Variants in NBPF15 observed in about 807,000 individuals in gnomAD.
The protein encoded by NBPF15 is NBPF family member NBPF15.
Under a neutral mutation model 62.2 loss-of-function variants are expected in NBPF15, and 74 were observed. The ratio of observed to expected loss-of-function variants is 1.19; its 90% CI spans 0.99 to 1.44. NBPF15 has a LOEUF of 1.44. Among genes scored for constraint, NBPF15 ranks in the 40% most tolerant of loss-of-function variants. The pLI is 0.00. For synonymous variants in NBPF15, 244 were observed against 209.7 expected (o/e 1.16, Z -1.41); for missense variants, 790 against 550.0 (o/e 1.44, Z -4.36).
At chr1:144,442,799 C>T (rs1441310948) in intron 6 of NBPF15, 2 of 208,236 alleles carry the variant, frequency 9.6e-6, no homozygotes, top group Non-Finnish European at 2.1e-5. Context: ...CAGAAATATA[C>T]TGTGGTCCTG....
intron 6 of NBPF15, among the ~76,000 whole-genome samples, chr1:144,448,021 C>T (rs1433470381): frequency 1.3e-5 from 2 of 152,064 alleles, no homozygotes; most frequent in Non-Finnish European, 2.9e-5. Context: ...AAGCCTTAGC[C>T]ATGCTTTGCT....
Position 144,450,889 on chromosome 1 carries a change from T to C in NBPF15, c.-431-19A>G, listed in dbSNP as rs1336744756. 19 of 539,578 alleles carry C rather than the reference T, an allele frequency of 3.5e-5. No homozygotes were observed. The highest frequency in any genetic ancestry group is 3.8e-5 in the Non-Finnish European group (16 of 423,760). 33.4% of individuals were successfully genotyped at this position (539,578 alleles called of 1,614,324 possible). A position where few individuals can be genotyped will look rare whatever the true frequency, so the allele number is the denominator to read the frequency against. On this transcript the variant is annotated intron_variant, in intron 4 of 21. Coordinates refer to ENST00000581897, the MANE Select transcript of NBPF15 (RefSeq NM_001385408.1). ...CACATTTCTGAAAGAATAAAAATGG[T>C]TCAGTGAAGGGATGGGTTGCCCCTC...
Position 144,461,432 on chromosome 1 carries a change from T to C in NBPF15, c.-989A>G, listed in dbSNP as rs1384686318. On this transcript the variant is annotated 5_prime_UTR_variant, in exon 1 of 22. Transcript: ENST00000581897. ...TCACCTCGGAAACGCTGGGTGGACTTCGCTGTAAACCGTAACTTCCCATCC... is the reference window on the plus strand; with the variant it reads ...TCACCTCGGAAACGCTGGGTGGACTCCGCTGTAAACCGTAACTTCCCATCC... The C allele has an allele frequency of 6.6e-6, 1 of 152,108 alleles. No individual in the cohort carries two copies. Among genetic ancestry groups the C allele is most frequent in the Non-Finnish European group, 1.5e-5 (1 of 68,068 alleles). 9.4% of individuals were successfully genotyped at this position (152,108 alleles called of 1,614,324 possible). A position where few individuals can be genotyped will look rare whatever the true frequency, so the allele number is the denominator to read the frequency against.
chr1:144,445,459 A>T (rs1473581470), intron 6 of NBPF15, among the ~76,000 whole-genome samples: 3 of 145,508 alleles, frequency 2.1e-5, no homozygotes, highest in Non-Finnish European at 4.5e-5. Flanking sequence ...CTATTTCTGG[A>T]TTCTCTCTTC....
intron 6 of NBPF15, among the ~76,000 whole-genome samples, chr1:144,441,108 A>C (rs1419669563): frequency 6.6e-6 from 1 of 151,914 alleles, no homozygotes; most frequent in East Asian, 1.9e-4. Flanking sequence ...TTCTGATGGG[A>C]GACAGGTTTA....
intron 15 of NBPF15, 37 bp from the exon 16 acceptor site, chr1:144,428,027 G>T: frequency 1.3e-6 from 1 of 768,596 alleles, no homozygotes; most frequent in South Asian, 1.4e-5. Context: ...TAAGCCAGGG[G>T]GAATCAGAAA....
At chr1:144,438,847 G>C (rs1441098868) in intron 8 of NBPF15, among the ~76,000 whole-genome samples, 2 of 151,940 alleles carry the variant, frequency 1.3e-5, no homozygotes, top group East Asian at 1.9e-4. Flanking sequence ...TCCCTGCTCT[G>C]TACACTGCAC....
intron 4 of NBPF15, among the ~76,000 whole-genome samples, chr1:144,453,623 C>A (rs1553546047): frequency 1.1e-5 from 1 of 90,862 alleles, no homozygotes; most frequent in East Asian, 3.7e-4. Flanking sequence ...ATTCTGAGAA[C>A]TAAACAACAC....
rs1558611688 is a variant in NBPF15, at chr1:144,442,196, T to TTA, written c.-190-1902_-190-1901insTA. 4.0e-4 allele frequency among the ~76,000 whole-genome samples: 42 copies of TTA among 105,808 alleles called. 4 individuals are homozygous for TTA. Among genetic ancestry groups the TTA allele is most frequent in the African/African-American group, 1.8e-3 (41 of 22,284 alleles). The allele number at this position is 105,808 out of a possible 152,430, so 69.4% of individuals were successfully genotyped here. On this transcript the variant is annotated intron_variant, in intron 6 of 21. Transcript: ENST00000581897. ...TATATATATAATATATATACACGTG[T>TTA]ATATATATTATTAATATATATAATA...
At chr1:144,451,985 C>G (rs1287093650) in intron 4 of NBPF15, among the ~76,000 whole-genome samples, 2 of 151,654 alleles carry the variant, frequency 1.3e-5, no homozygotes, top group African/African-American at 4.9e-5. Context: ...ATCCCTGTCT[C>G]TACCAAAAAT....
At chr1:144,440,831 C>CT (rs782106062) in intron 6 of NBPF15, among the ~76,000 whole-genome samples, 2,265 of 143,232 alleles carry the variant, frequency 0.016, 35 homozygotes, top group Middle Eastern at 0.065. Context: ...TTTTCTTTTT[C>CT]TTTTTTTTTT....
In NBPF15 at chr1:144,427,947, G is replaced by C; in HGVS notation, c.1084C>G (p.Gln362Glu). The stretch of plus-strand genomic sequence containing the variant: ...GAATAACATCTATCCAGTGAGTCCT[G>C]CAAGACTTCAGGCTCTTTCTCATCC... Reference protein sequence around the residue: ...LLDEKEPEVLQDSLDRCYSTP... With the variant: ...LLDEKEPEVLEDSLDRCYSTP... The change falls in exon 16 of 22, where the codon CAG becomes GAG. Residue 362 changes from glutamine (Q) to glutamate (E), a missense_variant. By Grantham distance (29) the Gln-to-Glu change is conservative. Coordinates refer to ENST00000581897, the MANE Select transcript of NBPF15 (RefSeq NM_001385408.1). 1.3e-6 allele frequency: 1 copy of C among 779,696 alleles called. No individual in the cohort carries two copies. The highest frequency in any genetic ancestry group is 1.4e-5 in the South Asian group (1 of 73,366). The allele number at this position is 779,696 out of a possible 1,614,324, so 48.3% of individuals were successfully genotyped here.
At chr1:144,428,398 A>G in intron 15 of NBPF15, among the ~76,000 whole-genome samples, 1 of 152,148 alleles carries the variant, frequency 6.6e-6, no homozygotes, top group African/African-American at 2.4e-5. Flanking sequence ...GGTATGGTCA[A>G]CCTTCACTAG....
chr1:144,451,977 C>T lies in NBPF15; in HGVS notation c.-431-1107G>A, dbSNP rs148365341. On this transcript the variant is annotated intron_variant, in intron 4 of 21. Coordinates refer to ENST00000581897, the MANE Select transcript of NBPF15 (RefSeq NM_001385408.1). ...GACCAACCTGGCCAACATGAAGAAT[C>T]CCTGTCTCTACCAAAAATACAAACA... is the stretch of plus-strand genomic sequence containing the variant. Among the ~76,000 whole-genome samples, 824 of 151,726 alleles carry T rather than the reference C, an allele frequency of 5.4e-3. 17 individuals are homozygous for T. The highest frequency in any genetic ancestry group is 0.018 in the African/African-American group (762 of 41,218).
chr1:144,439,564 A>G (rs1681304495), intron 8 of NBPF15, among the ~76,000 whole-genome samples: 1 of 152,132 alleles, frequency 6.6e-6, no homozygotes, highest in Non-Finnish European at 1.5e-5. Context: ...CTTGGAGAAA[A>G]CAGGTCATTC....
chr1:144,440,327 G>C, intron 6 of NBPF15, 32 bp from the exon 7 acceptor site: 3 of 1,245,584 alleles, frequency 2.4e-6, no homozygotes, highest in South Asian at 1.5e-5. Flanking sequence ...TAGAAGGTGG[G>C]GGTGTCATGG....
rs1399538424 is a variant in NBPF15, at chr1:144,423,220, T to A, written c.1806A>T (p.Glu602Asp). ...ATCTATCCAGTGAGTCCTGTAAGACTTCAGGCTCTTCCACTTCCATCAGCA... is the reference window on the plus strand; with the variant it reads ...ATCTATCCAGTGAGTCCTGTAAGACATCAGGCTCTTCCACTTCCATCAGCA... ...YGVLMEVEEP[E>D]VLQDSLDRCY... Residue 602 changes from glutamate to aspartate, a missense_variant, in exon 22 of 22, where the codon GAA (glutamate) becomes GAT (aspartate). Physicochemically the swap from Glu to Asp is conservative, Grantham distance 45. Coordinates refer to ENST00000581897, the MANE Select transcript of NBPF15 (RefSeq NM_001385408.1). The A allele has an allele frequency of 1.2e-6, 2 of 1,611,434 alleles. No individual in the cohort carries two copies. Among genetic ancestry groups the A allele is most frequent in the African/African-American group, 1.3e-5 (1 of 74,734 alleles).
intron 20 of NBPF15, 147 bp downstream of exon 20, chr1:144,424,543 T>G (rs1668211969): frequency 1.6e-6 from 1 of 630,164 alleles, no homozygotes; most frequent in African/African-American, 1.8e-5. Context: ...CAGGTAGAAC[T>G]AGAGTTTCAT....
chr1:144,433,926 T>C, intron 12 of NBPF15, 102 bp from the exon 13 acceptor site: 3 of 739,076 alleles, frequency 4.1e-6, no homozygotes, highest in Non-Finnish European at 7.3e-6. Flanking sequence ...CTATTCTCAG[T>C]GCAAGAATAA....
Sources: gnomAD v4.1 joint callset for allele counts (sites outside exome capture counted in the v4.1 genomes callset) on GRCh38, gnomAD v4.1.1 for gene constraint, MANE v1.5 for transcripts, NCBI Gene and HGNC (gene_info 2026-07-23, HGNC 2026-07-21) for gene names.